Variants in GNG12 observed in about 807,000 individuals in gnomAD.
GNG12 encodes the protein guanine nucleotide-binding protein G(I)/G(S)/G(O) subunit gamma-12.
For synonymous variants in GNG12, 28 were observed against 29.7 expected (o/e 0.94, Z 0.19); for missense variants, 69 against 83.8 (o/e 0.82, Z 0.69).
chr1:67,739,456 T>C (rs1444082427), intron 2 of GNG12, among the ~76,000 whole-genome samples: 3 of 152,152 alleles, frequency 2.0e-5, no homozygotes, highest in Non-Finnish European at 4.4e-5. Context: ...GTAGGTCCCA[T>C]ATAGAGACAG....
intron 2 of GNG12, among the ~76,000 whole-genome samples, chr1:67,751,382 A>G (rs1284661981): frequency 1.3e-5 from 2 of 152,192 alleles, no homozygotes; most frequent in African/African-American, 2.4e-5. Flanking sequence ...GTTTAATGGC[A>G]CCTCTGGGAA....
intron 2 of GNG12, among the ~76,000 whole-genome samples, chr1:67,755,032 T>C (rs570829798): frequency 2.6e-5 from 4 of 152,226 alleles, no homozygotes; most frequent in Admixed American, 2.0e-4. Context: ...TGAGGGGAGG[T>C]TGGCTTGGGA....
At chr1:67,714,344 G>A (rs1296828761) in intron 2 of GNG12, among the ~76,000 whole-genome samples, 2 of 152,124 alleles carry the variant, frequency 1.3e-5, no homozygotes, top group Admixed American at 6.5e-5. Flanking sequence ...GGGATTCGCC[G>A]GGGGCATCTG....
Position 67,702,401 on chromosome 1 carries a change from C to T in GNG12, c.*3050G>A, listed in dbSNP as rs551712102. 6.6e-6 allele frequency: 1 copy of T among 152,210 alleles called. No homozygotes were observed. Among genetic ancestry groups the T allele is most frequent in the South Asian group, 2.1e-4 (1 of 4,818 alleles). 9.4% of individuals were successfully genotyped at this position (152,210 alleles called of 1,614,324 possible). A position where few individuals can be genotyped will look rare whatever the true frequency, so the allele number is the denominator to read the frequency against. Reference sequence around the variant, plus strand: ...CATTTGAAGAGAATATTTGGCACATCCTCCACTACGTAAGCTACCCTATGC... The same window carrying T: ...CATTTGAAGAGAATATTTGGCACATTCTCCACTACGTAAGCTACCCTATGC... On this transcript the variant is annotated 3_prime_UTR_variant, in exon 4 of 4. Coordinates refer to ENST00000370982, the MANE Select transcript of GNG12 (RefSeq NM_018841.6).
intron 1 of GNG12, among the ~76,000 whole-genome samples, chr1:67,828,468 A>C (rs192809674): frequency 2.3e-4 from 35 of 152,334 alleles, no homozygotes; most frequent in Middle Eastern, 3.4e-3. Context: ...AACTTGAGCA[A>C]GGTTCAGACC....
At chr1:67,746,290 T>C (rs1382211702) in intron 2 of GNG12, among the ~76,000 whole-genome samples, 3 of 152,240 alleles carry the variant, frequency 2.0e-5, no homozygotes, top group African/African-American at 7.2e-5. Flanking sequence ...GACAAAGGCA[T>C]AGTTAAGTTG....
chr1:67,712,148 G>A (rs962389154), intron 2 of GNG12, among the ~76,000 whole-genome samples: 2 of 152,224 alleles, frequency 1.3e-5, no homozygotes, highest in Admixed American at 6.5e-5. Flanking sequence ...ATATCTCTGT[G>A]CCTTTGGAGG....
At chr1:67,795,508 TA>T (rs1646826070) in intron 1 of GNG12, among the ~76,000 whole-genome samples, 1 of 152,146 alleles carries the variant, frequency 6.6e-6, no homozygotes, top group Non-Finnish European at 1.5e-5. Context: ...TGAGAAAAAA[TA>T]AGCCAAAGAA....
At chr1:67,772,291 G>A (rs1178051029) in intron 2 of GNG12, among the ~76,000 whole-genome samples, 1 of 152,184 alleles carries the variant, frequency 6.6e-6, no homozygotes, top group Non-Finnish European at 1.5e-5. Flanking sequence ...AGGTCCTCAG[G>A]CCAAGAGCTG....
At chr1:67,741,699 G>A (rs1475206899) in intron 2 of GNG12, among the ~76,000 whole-genome samples, 1 of 152,164 alleles carries the variant, frequency 6.6e-6, no homozygotes, top group African/African-American at 2.4e-5. Flanking sequence ...CTCTAGAATT[G>A]GATCAAGGAA....
intron 2 of GNG12, among the ~76,000 whole-genome samples, chr1:67,712,459 G>A (rs962423087): frequency 2.0e-5 from 3 of 152,200 alleles, no homozygotes; most frequent in Non-Finnish European, 4.4e-5. Flanking sequence ...GGGAGGCCAA[G>A]GTGGGAGGAA....
intron 2 of GNG12, among the ~76,000 whole-genome samples, chr1:67,765,353 T>C (rs888428586): frequency 2.6e-5 from 4 of 152,180 alleles, no homozygotes; most frequent in African/African-American, 9.7e-5. Flanking sequence ...ACACTATGAT[T>C]GTATATTGCA....
chr1:67,715,467 G>C (rs1283215792), intron 2 of GNG12, among the ~76,000 whole-genome samples: 3 of 152,206 alleles, frequency 2.0e-5, no homozygotes, highest in African/African-American at 4.8e-5. Context: ...GCAGGTAGAA[G>C]TGAGGAGGCC....
chr1:67,733,218 C>T (rs560136105), intron 2 of GNG12, among the ~76,000 whole-genome samples: 1 of 152,258 alleles, frequency 6.6e-6, no homozygotes, highest in Non-Finnish European at 1.5e-5. Flanking sequence ...TAATCTAGCC[C>T]TATTTTTGGA....
intron 2 of GNG12, among the ~76,000 whole-genome samples, chr1:67,716,674 G>A (rs1646327482): frequency 6.6e-6 from 1 of 152,160 alleles, no homozygotes; most frequent in African/African-American, 2.4e-5. Context: ...GAAGGGGCTG[G>A]GAGAAAGGAG....
intron 2 of GNG12, among the ~76,000 whole-genome samples, chr1:67,775,714 CTAAACA>C (rs1646700972): frequency 6.6e-6 from 1 of 152,116 alleles, no homozygotes; most frequent in African/African-American, 2.4e-5. Context: ...GGAGGTAAGA[CTAAACA>C]AGTGAAAAAG....
intron 2 of GNG12, among the ~76,000 whole-genome samples, chr1:67,726,592 T>C (rs545928529): frequency 1.3e-5 from 2 of 152,206 alleles, no homozygotes; most frequent in Non-Finnish European, 1.5e-5. Context: ...TGAGATGATG[T>C]CACATTACAA....
intron 1 of GNG12, among the ~76,000 whole-genome samples, chr1:67,833,088 G>C (rs1647059905): frequency 6.6e-6 from 1 of 151,402 alleles, no homozygotes; most frequent in African/African-American, 2.4e-5. Flanking sequence ...CGCCGTTTCT[G>C]CCTCTGGGTC....
At chr1:67,779,570 T>G (rs1332603660) in intron 1 of GNG12, among the ~76,000 whole-genome samples, 1 of 152,014 alleles carries the variant, frequency 6.6e-6, no homozygotes, top group East Asian at 1.9e-4. Context: ...ACATGTCCTT[T>G]CCCTACAGTA....
Sources: allele counts gnomAD v4.1 joint callset (sites outside exome capture counted in the v4.1 genomes callset), GRCh38; gene constraint gnomAD v4.1.1; transcripts MANE v1.5; gene names NCBI Gene and HGNC (gene_info 2026-07-23, HGNC 2026-07-21).